The following FAM184A variants were observed in gnomAD, a reference collection of about 807,000 sequenced individuals.
The protein encoded by FAM184A is family with sequence similarity 184 member A.
A neutral mutation model predicts 143.8 loss-of-function variants in FAM184A; 99 were observed. The ratio of observed to expected loss-of-function variants is 0.69; its 90% CI spans 0.58 to 0.81. The LOEUF (loss-of-function observed/expected upper bound fraction) is 0.81. Ranked by LOEUF, FAM184A falls within the 40% of genes least tolerant of loss-of-function variation. The pLI, the probability that FAM184A is intolerant of heterozygous loss-of-function variation, is 0.00. For missense variants in FAM184A, 1,217 were observed against 1,310.5 expected (o/e 0.93, Z 1.10); for synonymous variants, 427 against 446.4 (o/e 0.96, Z 0.55).
intron 1 of FAM184A, among the ~76,000 whole-genome samples, chr6:119,096,142 G>T (rs1392837362): frequency 6.6e-6 from 1 of 152,108 alleles, no homozygotes; most frequent in African/African-American, 2.4e-5. Flanking sequence ...GGGGAAAAAG[G>T]GTACCTACTG....
At chr6:119,084,937 G>T (rs1240366926) in intron 1 of FAM184A, among the ~76,000 whole-genome samples, 1 of 152,234 alleles carries the variant, frequency 6.6e-6, no homozygotes, top group Non-Finnish European at 1.5e-5. Flanking sequence ...AGGGAGCAGG[G>T]TCCTGAGGCT....
At chr6:119,091,947 C>T (rs900027107) in intron 1 of FAM184A, among the ~76,000 whole-genome samples, 2 of 152,190 alleles carry the variant, frequency 1.3e-5, no homozygotes, top group African/African-American at 4.8e-5. Context: ...TTGATGGGTC[C>T]ATTGCACTAG....
At chr6:118,999,288 T>C (rs1022962022) in intron 9 of FAM184A, among the ~76,000 whole-genome samples, 2 of 152,236 alleles carry the variant, frequency 1.3e-5, no homozygotes, top group African/African-American at 2.4e-5. Context: ...TATTTCATTC[T>C]TACTTCAATA....
chr6:119,097,186 G>C (rs1458912170), intron 1 of FAM184A, among the ~76,000 whole-genome samples: 1 of 152,010 alleles, frequency 6.6e-6, no homozygotes, highest in Admixed American at 6.6e-5. Flanking sequence ...CCTCATGACT[G>C]GTTGTATTCA....
chr6:119,053,400 C>T (rs892902567), intron 1 of FAM184A, among the ~76,000 whole-genome samples: 2 of 152,180 alleles, frequency 1.3e-5, no homozygotes, highest in African/African-American at 2.4e-5. Context: ...ATAACTCAGG[C>T]ACCTCTGACT....
At chr6:119,091,369 C>CA (rs1201285157) in intron 1 of FAM184A, among the ~76,000 whole-genome samples, 2 of 152,134 alleles carry the variant, frequency 1.3e-5, no homozygotes, top group East Asian at 3.9e-4. Flanking sequence ...GGCATTGGCT[C>CA]AATGCGTATA....
intron 1 of FAM184A, chr6:119,025,577 G>C (rs778482977): frequency 1.9e-6 from 1 of 518,918 alleles, no homozygotes; most frequent in South Asian, 1.4e-5. Flanking sequence ...ATTTCACTGA[G>C]ATGTCCCAAC....
At chr6:119,040,214 G>A (rs1786270930) in intron 1 of FAM184A, among the ~76,000 whole-genome samples, 2 of 152,238 alleles carry the variant, frequency 1.3e-5, no homozygotes, top group South Asian at 4.1e-4. Flanking sequence ...TTCTTCTGAG[G>A]AGGCAAAGAC....
intron 9 of FAM184A, among the ~76,000 whole-genome samples, chr6:118,981,575 C>A (rs1037738813): frequency 4.6e-5 from 7 of 151,934 alleles, no homozygotes; most frequent in Non-Finnish European, 1.0e-4. Context: ...AGAGAAAAGG[C>A]GGGGAATCAC....
rs1416483320 is a variant in FAM184A at position 119,006,746 on chromosome 6, C to T, written c.1654-138G>A. 9.2e-6 allele frequency: 6 copies of T among 648,712 alleles called. No individual in the cohort carries two copies. In the East Asian group the frequency reaches 1.4e-4, roughly 16 times the overall value. 40.2% of individuals were successfully genotyped at this position (648,712 alleles called of 1,614,324 possible). A position where few individuals can be genotyped will look rare whatever the true frequency, so the allele number is the denominator to read the frequency against. On this transcript the variant is annotated intron_variant, in intron 6 of 17. Transcript: ENST00000338891. ...TTTCCTGATTAATTTGGAAAAAGCA[C>T]TCAAATAACCATGACAGCTTTCTTC... is the stretch of plus-strand genomic sequence containing the variant.
Position 118,966,835 on chromosome 6 carries a change from A to G in FAM184A, c.3033T>C (p.Ile1011=). 6.7e-7 allele frequency: 1 copy of G among 1,502,236 alleles called. No individual in the cohort carries two copies. The highest frequency in any genetic ancestry group is 2.3e-5 in the East Asian group (1 of 43,878). 93.1% of individuals were successfully genotyped at this position (1,502,236 alleles called of 1,614,324 possible). The change falls in exon 15 of 18, where the codon ATT becomes ATC. Residue 1011 remains isoleucine (I), a splice_region_variant and synonymous_variant. Coordinates refer to ENST00000338891, the MANE Select transcript of FAM184A (RefSeq NM_024581.6). ...TTAGACTAAAACCAAAATATCTTAC[A>G]ATTAGTTTCTTTATGATCTGGTCTC... ...TERDQIIKKL[I]EDNKFYQLEL...
At chr6:119,007,945 A>G (rs1784976357) in intron 6 of FAM184A, among the ~76,000 whole-genome samples, 1 of 152,202 alleles carries the variant, frequency 6.6e-6, no homozygotes, top group Non-Finnish European at 1.5e-5. Flanking sequence ...CCTCAAGAAA[A>G]AAAAAAAACA....
intron 1 of FAM184A, among the ~76,000 whole-genome samples, chr6:119,033,400 T>A (rs1286262902): frequency 6.6e-6 from 1 of 152,160 alleles, no homozygotes; most frequent in Admixed American, 6.5e-5. Flanking sequence ...GTGCGGTGGC[T>A]CACGCCTGTA....
At chr6:119,039,285 GTATT>G (rs1786230355) in intron 1 of FAM184A, among the ~76,000 whole-genome samples, 1 of 152,152 alleles carries the variant, frequency 6.6e-6, no homozygotes, top group South Asian at 2.1e-4. Context: ...CCAGGAATTG[GTATT>G]TACTCAAATG....
chr6:119,072,790 A>G (rs1787738348), intron 1 of FAM184A, among the ~76,000 whole-genome samples: 3 of 152,130 alleles, frequency 2.0e-5, no homozygotes, highest in Admixed American at 1.3e-4. Flanking sequence ...TAGCTTTTTG[A>G]AGCAGTTTAA....
chr6:119,101,235 T>C (rs1166998532), intron 1 of FAM184A, among the ~76,000 whole-genome samples: 1 of 151,412 alleles, frequency 6.6e-6, no homozygotes, highest in African/African-American at 2.4e-5. Context: ...CCTGGCTAAT[T>C]TTTTTTGTAT....
chr6:119,038,166 A>G (rs1459955618), intron 1 of FAM184A, among the ~76,000 whole-genome samples: 1 of 152,202 alleles, frequency 6.6e-6, no homozygotes, highest in Admixed American at 6.5e-5. Flanking sequence ...ACCTGAATCA[A>G]GCAGACAGGA....
In FAM184A at chr6:119,024,400, T is replaced by C. The variant is rs761076059; in HGVS notation, c.573A>G (p.Gln191=). ...KDKRLALEDL[Q]AAHRREIQEL... ...CTTGTATCTCCCGTCTGTGAGCAGC[T>C]TGCAAGTCTTCCAATGCCAATCGTT... Residue 191 remains glutamine (Q), a synonymous_variant, in exon 2 of 18, where the codon CAA becomes CAG. Transcript: ENST00000338891. 2 of 1,614,234 alleles carry C rather than the reference T, an allele frequency of 1.2e-6. No individual in the cohort carries two copies. The highest frequency in any genetic ancestry group is 1.7e-5 in the Admixed American group (1 of 60,022).
At chr6:119,039,859 A>G (rs1344984725) in intron 1 of FAM184A, among the ~76,000 whole-genome samples, 1 of 152,260 alleles carries the variant, frequency 6.6e-6, no homozygotes, top group African/African-American at 2.4e-5. Flanking sequence ...CTTCCTGGAC[A>G]TGCAGATTAA....
Sources: allele counts gnomAD v4.1 joint callset (sites outside exome capture counted in the v4.1 genomes callset), GRCh38; gene constraint gnomAD v4.1.1; transcripts MANE v1.5; gene names NCBI Gene and HGNC (gene_info 2026-07-23, HGNC 2026-07-21).